DLC1: variants seen among roughly 807,000 people sequenced by gnomAD.
DLC1 encodes DLC1 Rho GTPase activating protein.
DLC1 carries 54 observed loss-of-function variants against 140.3 expected under a neutral mutation model. That is an observed-to-expected ratio of 0.38 (90% CI 0.31 to 0.48). The LOEUF (loss-of-function observed/expected upper bound fraction) is 0.48, where lower values mean the gene tolerates loss of function less well. Among genes scored for constraint, DLC1 ranks in the 20% least tolerant of loss-of-function variants. DLC1 has a pLI of 0.96. For synonymous variants in DLC1, 986 were observed against 728.1 expected, an observed-to-expected ratio of 1.35 and a Z score of -5.70; for missense variants, 2,536 against 1,907.0, an observed-to-expected ratio of 1.33 and a Z score of -6.14.
At chr8:13,513,730 C>T (rs1269578598) in intron 1 of DLC1, among the ~76,000 whole-genome samples, 1 of 152,142 alleles carries the variant, frequency 6.6e-6, no homozygotes, top group Non-Finnish European at 1.5e-5. Flanking sequence ...TACATTTAAA[C>T]ATTTAAGATT....
intron 5 of DLC1, among the ~76,000 whole-genome samples, chr8:13,120,356 A>AAAAAAAAAATATATATATAT: frequency 0.014 from 842 of 60,738 alleles, 23 homozygotes; most frequent in Non-Finnish European, 0.025. Context: ...AAAAAAAAAA[A>AAAAAAAAAATATATATATAT]ATATATATAT....
At chr8:13,568,084 A>G (rs1045097104) in intron 1 of DLC1, 3 of 972,996 alleles carry the variant, frequency 3.1e-6, no homozygotes, top group African/African-American at 3.3e-5. Context: ...TTTTTTTCCT[A>G]TTATAGAAGG....
At chr8:13,482,000 G>A (rs1409511618) in intron 2 of DLC1, among the ~76,000 whole-genome samples, 1 of 152,172 alleles carries the variant, frequency 6.6e-6, no homozygotes, top group Non-Finnish European at 1.5e-5. Flanking sequence ...CTAGGGGAGT[G>A]TAAAGGAACC....
chr8:13,514,179 C>T (rs918060259), intron 1 of DLC1, among the ~76,000 whole-genome samples: 15 of 151,996 alleles, frequency 9.9e-5, no homozygotes, highest in African/African-American at 3.6e-4. Flanking sequence ...GATTATTAAG[C>T]ACAAGTCACT....
At chr8:13,288,566 C>T (rs976765436) in intron 5 of DLC1, among the ~76,000 whole-genome samples, 2 of 152,198 alleles carry the variant, frequency 1.3e-5, no homozygotes, top group African/African-American at 2.4e-5. Flanking sequence ...TCTTTCCCTC[C>T]TCAGCTAAAT....
intron 1 of DLC1, among the ~76,000 whole-genome samples, chr8:13,598,553 A>C (rs942219351): frequency 6.6e-6 from 1 of 152,116 alleles, no homozygotes; most frequent in African/African-American, 2.4e-5. Flanking sequence ...TATGATCTTG[A>C]AAACATGGTA....
chr8:13,117,433 G>A (rs1343492926), intron 5 of DLC1, among the ~76,000 whole-genome samples: 3 of 151,740 alleles, frequency 2.0e-5, no homozygotes, highest in Admixed American at 6.6e-5. Flanking sequence ...AACCTCAATG[G>A]TACTACCACA....
chr8:13,481,526 A>G (rs1800736116), intron 2 of DLC1, among the ~76,000 whole-genome samples: 1 of 152,236 alleles, frequency 6.6e-6, no homozygotes, highest in Non-Finnish European at 1.5e-5. Flanking sequence ...GAAGAAGAAA[A>G]AAGACATAAA....
At chr8:13,407,602 G>A (rs112616862) in intron 2 of DLC1, among the ~76,000 whole-genome samples, 3 of 152,172 alleles carry the variant, frequency 2.0e-5, no homozygotes, top group African/African-American at 4.8e-5. Flanking sequence ...AATAGTGGAC[G>A]ATTGGTTTGG....
chr8:13,108,020 G>A (rs1489919423), intron 7 of DLC1, among the ~76,000 whole-genome samples: 1 of 152,110 alleles, frequency 6.6e-6, no homozygotes, highest in Non-Finnish European at 1.5e-5. Flanking sequence ...ACTCCAGCCT[G>A]AGCGACAGAG....
At chr8:13,603,985 A>C (rs1805968787) in intron 1 of DLC1, among the ~76,000 whole-genome samples, 1 of 152,124 alleles carries the variant, frequency 6.6e-6, no homozygotes, top group South Asian at 2.1e-4. Context: ...ATAGGTTTTG[A>C]TCAAACTCTA....
chr8:13,491,675 T>C (rs1014628077), intron 2 of DLC1, among the ~76,000 whole-genome samples: 1 of 152,140 alleles, frequency 6.6e-6, no homozygotes, highest in African/African-American at 2.4e-5. Flanking sequence ...GATCTCAGTC[T>C]TGAAGGTTTC....
At position 13,085,948 on chromosome 8, in the gene DLC1, A is replaced by G. The variant is rs1266537153; in HGVS notation, c.4467-17T>C. The G allele has an allele frequency of 1.2e-6, 2 of 1,610,922 alleles. No individual in the cohort carries two copies. The highest frequency in any genetic ancestry group is 8.5e-7 in the Non-Finnish European group (1 of 1,179,074). The stretch of plus-strand genomic sequence containing the variant: ...ATGTGGCCCCTATCAGAGAAAAGAA[A>G]GAAAAGCTGATGAATTATTTAAGTT... On this transcript the variant is annotated splice_polypyrimidine_tract_variant and intron_variant, in intron 17 of 17. Transcript: ENST00000276297.
intron 2 of DLC1, among the ~76,000 whole-genome samples, chr8:13,408,140 C>G (rs1018783979): frequency 2.6e-5 from 4 of 152,116 alleles, no homozygotes; most frequent in Non-Finnish European, 5.9e-5. Context: ...CTTATGTAGA[C>G]TAGCAGGAAA....
upstream of DLC1, chr8:13,514,898 A>G (rs909965634): frequency 5.6e-6 from 2 of 358,672 alleles, no homozygotes; most frequent in African/African-American, 4.2e-5. Context: ...GATTGCCTGG[A>G]AAGTATTTCC....
At chr8:13,144,578 A>T (rs1447250509) in intron 5 of DLC1, among the ~76,000 whole-genome samples, 1 of 152,132 alleles carries the variant, frequency 6.6e-6, no homozygotes, top group Non-Finnish European at 1.5e-5. Context: ...ATCCTGGCTA[A>T]CACAGTGAAA....
chr8:13,372,383 A>C (rs1835767833), intron 4 of DLC1, among the ~76,000 whole-genome samples: 1 of 152,180 alleles, frequency 6.6e-6, no homozygotes, highest in Admixed American at 6.5e-5. Context: ...CCTGTTTACA[A>C]CCATTTTGTA....
chr8:13,383,816 C>A (rs775992682), intron 4 of DLC1, among the ~76,000 whole-genome samples: 1 of 152,142 alleles, frequency 6.6e-6, no homozygotes, highest in Non-Finnish European at 1.5e-5. Flanking sequence ...TTCAGCCACA[C>A]GAATAAGCCA....
chr8:13,117,554 G>T (rs1258056657), intron 5 of DLC1, among the ~76,000 whole-genome samples: 1 of 152,070 alleles, frequency 6.6e-6, no homozygotes, highest in African/African-American at 2.4e-5. Context: ...GATATGGAAA[G>T]AAAAAAGGCT....
Sources: allele counts gnomAD v4.1 joint callset (sites outside exome capture counted in the v4.1 genomes callset), GRCh38; gene constraint gnomAD v4.1.1; transcripts MANE v1.5; gene names NCBI Gene and HGNC (gene_info 2026-07-23, HGNC 2026-07-21).